Variants in ZNF398 observed in about 807,000 individuals in gnomAD.
ZNF398 encodes zinc finger protein 398, also known as zinc finger DNA binding protein ZER6.
A neutral mutation model predicts 41.9 loss-of-function variants in ZNF398; 18 were observed. That is an observed-to-expected ratio of 0.43 (90% confidence interval 0.30 to 0.64). ZNF398 has a LOEUF of 0.64. Among genes scored for constraint, ZNF398 ranks in the 30% least tolerant of loss-of-function variants. The pLI is 0.14. For synonymous variants in ZNF398, 260 were observed against 308.8 expected (o/e 0.84, Z 1.66); for missense variants, 669 against 822.8 (o/e 0.81, Z 2.29).
chr7:149,126,819 G>A (rs974206016), intron 1 of ZNF398, among the ~76,000 whole-genome samples: 8 of 152,172 alleles, frequency 5.3e-5, no homozygotes, highest in African/African-American at 1.7e-4. Context: ...GAGGCCGTGT[G>A]GGCCCCGGGC....
At chr7:149,139,212 T>A (rs1043656409) in intron 2 of ZNF398, among the ~76,000 whole-genome samples, 1 of 146,474 alleles carries the variant, frequency 6.8e-6, no homozygotes, top group African/African-American at 2.5e-5. Context: ...GCCCAGCCAA[T>A]TTTTTTTTTT....
At chr7:149,167,458 T>G (rs1160419696) in intron 4 of ZNF398, among the ~76,000 whole-genome samples, 20 of 152,036 alleles carry the variant, frequency 1.3e-4, no homozygotes, top group Non-Finnish European at 1.5e-5. Context: ...CCAACCAAAG[T>G]CCAGTTTTAT....
At chr7:149,127,548 CAAAAAAAA>C (rs61080328) in intron 1 of ZNF398, among the ~76,000 whole-genome samples, 2 of 74,902 alleles carry the variant, frequency 2.7e-5, no homozygotes, top group Admixed American at 2.0e-4. Context: ...ACTAAAAATA[CAAAAAAAA>C]AAAAAAAAAA....
At chr7:149,174,394 T>C (rs1017754907) in intron 4 of ZNF398, among the ~76,000 whole-genome samples, 2 of 152,112 alleles carry the variant, frequency 1.3e-5, no homozygotes, top group South Asian at 4.1e-4. Flanking sequence ...TTTACCATGT[T>C]GGTCAGGGTG....
intron 4 of ZNF398, among the ~76,000 whole-genome samples, chr7:149,174,958 T>A (rs1284583092): frequency 6.6e-6 from 1 of 152,198 alleles, no homozygotes; most frequent in East Asian, 1.9e-4. Flanking sequence ...TATGTATGTG[T>A]ATAACATCTG....
chr7:149,158,752 T>G (rs1795035466), intron 2 of ZNF398, among the ~76,000 whole-genome samples: 1 of 150,006 alleles, frequency 6.7e-6, no homozygotes, highest in South Asian at 2.1e-4. Context: ...GAGAATTGCT[T>G]GAACCCAGGA....
At chr7:149,174,918 T>G (rs1333459541) in intron 4 of ZNF398, among the ~76,000 whole-genome samples, 2 of 151,142 alleles carry the variant, frequency 1.3e-5, no homozygotes, top group East Asian at 3.9e-4. Flanking sequence ...ATATCCAGTC[T>G]TTCCCCCCCT....
At chr7:149,129,770 G>A (rs556756968) in intron 2 of ZNF398, among the ~76,000 whole-genome samples, 15 of 151,852 alleles carry the variant, frequency 9.9e-5, no homozygotes, top group Admixed American at 3.3e-4. Flanking sequence ...TATTTTTTCC[G>A]TTTTATTATT....
intron 3 of ZNF398, among the ~76,000 whole-genome samples, chr7:149,166,600 T>C (rs1585532611): frequency 6.6e-6 from 1 of 152,160 alleles, no homozygotes; most frequent in Non-Finnish European, 1.5e-5. Flanking sequence ...AGTGCTAACC[T>C]AGCACATGTG....
intron 2 of ZNF398, among the ~76,000 whole-genome samples, chr7:149,164,290 C>G (rs771727947): frequency 6.6e-6 from 1 of 151,538 alleles, no homozygotes; most frequent in Non-Finnish European, 1.5e-5. Context: ...GCCTGTAGTC[C>G]CAGCTACTTG....
At chr7:149,139,566 CA>C (rs755925879) in intron 2 of ZNF398, among the ~76,000 whole-genome samples, 8 of 151,598 alleles carry the variant, frequency 5.3e-5, no homozygotes, top group Admixed American at 1.3e-4. Context: ...ACTAAAAATA[CA>C]AAGATTAGCT....
chr7:149,178,738 C>T lies in ZNF398; in HGVS notation c.866C>T (p.Ala289Val), dbSNP rs1272361133. Reference protein sequence around the residue: ...PVPFSSPPAAAKDAFSDVAFK... With the variant: ...PVPFSSPPAAVKDAFSDVAFK... ...CCTTTCTCTTCTCCACCAGCAGCAG[C>T]AAAGGATGCTTTTTCAGATGTGGCT... Residue 289 changes from alanine (A) to valine (V), a missense_variant, in exon 6 of 6, where the codon GCA (alanine) becomes GTA (valine). Physicochemically the swap from Ala to Val is moderately conservative, Grantham distance 64. Transcript: ENST00000475153. 1 of 1,614,214 alleles carries T rather than the reference C, an allele frequency of 6.2e-7. No individual in the cohort carries two copies. Among genetic ancestry groups the T allele is most frequent in the Non-Finnish European group, 8.5e-7 (1 of 1,180,046 alleles).
rs1334875387 is a variant in ZNF398 at position 149,147,486 on chromosome 7, C to T, written c.-257C>T. 2.4e-5 allele frequency: 7 copies of T among 294,858 alleles called. No homozygotes were observed. The Admixed American group carries it at 2.6e-4, about 11-fold the overall frequency. 18.3% of individuals were successfully genotyped at this position (294,858 alleles called of 1,614,324 possible). ...TGCCCACAAAGCGCCAGCTGAGGGG[C>T]CGCTGCGGGTGGAGTGCGGCGGAGT... On this transcript the variant is annotated 5_prime_UTR_variant, in exon 1 of 6. Transcript: ENST00000475153. The surrounding 1 kb of genome is among the most constrained non-coding windows in gnomAD (Gnocchi z 5.6).
chr7:149,156,739 T>C (rs1794989452), intron 2 of ZNF398, among the ~76,000 whole-genome samples: 1 of 151,076 alleles, frequency 6.6e-6, no homozygotes, highest in South Asian at 2.1e-4. Flanking sequence ...CGCATACCCG[T>C]AATCCCAGCT....
intron 2 of ZNF398, among the ~76,000 whole-genome samples, chr7:149,129,426 C>CTAGA (rs780854137): frequency 5.7e-4 from 86 of 152,164 alleles, no homozygotes; most frequent in Admixed American, 1.3e-3. Flanking sequence ...GTTGCCCAGG[C>CTAGA]TAGAGTGCAG....
At chr7:149,162,653 G>C (rs993751735) in intron 2 of ZNF398, among the ~76,000 whole-genome samples, 2 of 152,162 alleles carry the variant, frequency 1.3e-5, no homozygotes, top group Non-Finnish European at 2.9e-5. Context: ...GCAAGACTGG[G>C]GAAAGATGTA....
rs1826688415 is a variant in ZNF398 at position 149,135,404 on chromosome 7, A to AAAAAAAAGAAAGAAAG, written c.-490+6473_-490+6488dup. 4.7e-5 allele frequency among the ~76,000 whole-genome samples: 7 copies of AAAAAAAAGAAAGAAAG among 149,176 alleles called. No individual in the cohort carries two copies. The South Asian group carries it at 1.5e-3, about 31-fold the overall frequency. On this transcript the variant is annotated intron_variant, in intron 2 of 6. Coordinates refer to the ZNF398 transcript ENST00000426851. ...GACTCTGTCTCAAAAAAAAAAAAAA[A>AAAAAAAAGAAAGAAAG]AAAAAAAGAAAGAAAGAAAAAAAGA... is the stretch of plus-strand genomic sequence containing the variant.
upstream of ZNF398, among the ~76,000 whole-genome samples, chr7:149,145,062 C>G (rs544828471): frequency 6.6e-6 from 1 of 152,110 alleles, no homozygotes; most frequent in Non-Finnish European, 1.5e-5. Context: ...TCCCAAATTA[C>G]GGACTGCATA....
intron 2 of ZNF398, among the ~76,000 whole-genome samples, chr7:149,162,175 C>T (rs1383759430): frequency 3.3e-5 from 5 of 151,886 alleles, no homozygotes; most frequent in Non-Finnish European, 7.4e-5. Flanking sequence ...GTGTGCATTA[C>T]CACAGCTGGT....
Sources: gnomAD v4.1 joint callset for allele counts (sites outside exome capture counted in the v4.1 genomes callset) on GRCh38, gnomAD v4.1.1 for gene constraint, Gnocchi (gnomAD v3.1) non-coding constraint, MANE v1.5 for transcripts, NCBI Gene and HGNC (gene_info 2026-07-23, HGNC 2026-07-21) for gene names.